The following SGCD variants were observed in gnomAD, a reference collection of about 807,000 sequenced individuals.
The protein encoded by SGCD is delta-sarcoglycan.
SGCD carries 18 observed loss-of-function variants against 36.6 expected under a neutral mutation model. The observed-to-expected ratio is 0.49, with a 90% CI of 0.34 to 0.73. The LOEUF (loss-of-function observed/expected upper bound fraction) is 0.73, where lower values mean the gene tolerates loss of function less well. SGCD is among the 30% of genes least tolerant of loss of function. The probability of loss-of-function intolerance (pLI) is 0.01; values close to 1 mark genes in which losing one functional copy is unlikely to be tolerated. For missense variants in SGCD, 387 were observed against 346.7 expected (o/e 1.12, Z -0.92); for synonymous variants, 133 against 130.6 (o/e 1.02, Z -0.12).
chr5:155,959,092 A>G lies in SGCD; in HGVS notation c.-282+88668A>G, dbSNP rs529486146. Reference sequence around the variant, plus strand: ...CAAATGTAATTCAAGGTCATGCAAAACACAAGTTTATTACAAACTAGAATC... The same window carrying G: ...CAAATGTAATTCAAGGTCATGCAAAGCACAAGTTTATTACAAACTAGAATC... On this transcript the variant is annotated intron_variant, in intron 1 of 9. Coordinates refer to the SGCD transcript ENST00000517913. Among the ~76,000 whole-genome samples, 11 of 152,250 alleles carry G rather than the reference A, an allele frequency of 7.2e-5. No homozygotes were observed. In the South Asian group the frequency reaches 2.3e-3, roughly 32 times the overall value.
At chr5:155,967,508 A>C (rs1757924816) in intron 1 of SGCD, among the ~76,000 whole-genome samples, 2 of 151,990 alleles carry the variant, frequency 1.3e-5, no homozygotes, top group Admixed American at 1.3e-4. Flanking sequence ...GAGGTTGTTT[A>C]AGGTTTCCAT....
At chr5:155,854,943 G>A in the SGCD span, among the ~76,000 whole-genome samples, 3 of 152,036 alleles carry the variant, frequency 2.0e-5, no homozygotes, top group Admixed American at 6.6e-5. Context: ...AAAGTCCAAC[G>A]GCCTACCCAA....
intron 3 of SGCD, among the ~76,000 whole-genome samples, chr5:156,148,043 C>T (rs182263041): frequency 6.6e-6 from 1 of 152,096 alleles, no homozygotes; most frequent in Admixed American, 6.5e-5. Flanking sequence ...AATCATAAAC[C>T]TTTGTTTTTC....
At chr5:156,325,075 T>C (rs1211894860), upstream of SGCD, among the ~76,000 whole-genome samples, 2 of 152,220 alleles carry the variant, frequency 1.3e-5, no homozygotes, top group Non-Finnish European at 2.9e-5. Context: ...TTCAGCCTCA[T>C]GTAACTGACT....
intron 3 of SGCD, among the ~76,000 whole-genome samples, chr5:156,149,191 A>G (rs1367689387): frequency 2.6e-5 from 4 of 152,204 alleles, no homozygotes; most frequent in Non-Finnish European, 5.9e-5. Context: ...CAAGCATGCA[A>G]TGTGTAAAAT....
intron 3 of SGCD, among the ~76,000 whole-genome samples, chr5:156,249,617 G>A (rs931030233): frequency 3.3e-5 from 5 of 151,992 alleles, no homozygotes; most frequent in South Asian, 2.1e-4. Flanking sequence ...TCTGCCTACC[G>A]TCACATGACC....
At chr5:156,622,301 T>C (rs937660661) in intron 6 of SGCD, among the ~76,000 whole-genome samples, 4 of 151,712 alleles carry the variant, frequency 2.6e-5, no homozygotes, top group African/African-American at 9.7e-5. Context: ...GGCATGGTGG[T>C]GGGCGCCTGT....
intron 1 of SGCD, among the ~76,000 whole-genome samples, chr5:156,104,027 T>C (rs1471940423): frequency 6.6e-6 from 1 of 152,130 alleles, no homozygotes; most frequent in East Asian, 1.9e-4. Context: ...TTAATGAATA[T>C]AATGACCCAA....
At chr5:156,751,237 C>T (rs1757139753) in intron 7 of SGCD, among the ~76,000 whole-genome samples, 2 of 152,160 alleles carry the variant, frequency 1.3e-5, no homozygotes, top group South Asian at 4.1e-4. Context: ...TATGATGGAC[C>T]TAAATATTGG....
intron 6 of SGCD, among the ~76,000 whole-genome samples, chr5:156,625,861 C>T (rs1762420570): frequency 6.6e-6 from 1 of 152,136 alleles, no homozygotes; most frequent in South Asian, 2.1e-4. Flanking sequence ...CATGTGGAGC[C>T]TATCATTAAA....
At chr5:156,332,287 T>A (rs1234122511) in intron 2 of SGCD, among the ~76,000 whole-genome samples, 1 of 152,226 alleles carries the variant, frequency 6.6e-6, no homozygotes, top group Non-Finnish European at 1.5e-5. Context: ...TTTGTTTTAA[T>A]TGACTTATGA....
intron 7 of SGCD, among the ~76,000 whole-genome samples, chr5:156,730,901 G>A (rs754916820): frequency 2.6e-5 from 4 of 151,990 alleles, no homozygotes; most frequent in Non-Finnish European, 4.4e-5. Context: ...AACCTCACCA[G>A]TATCTATTAT....
At chr5:156,034,470 T>C (rs1759439700) in intron 1 of SGCD, among the ~76,000 whole-genome samples, 1 of 152,228 alleles carries the variant, frequency 6.6e-6, no homozygotes, top group Non-Finnish European at 1.5e-5. Context: ...AATGTGGCCA[T>C]TTAGCTTTCC....
intron 1 of SGCD, among the ~76,000 whole-genome samples, chr5:156,051,001 A>C (rs1481376147): frequency 6.8e-6 from 1 of 146,440 alleles, no homozygotes; most frequent in African/African-American, 2.5e-5. Flanking sequence ...TGTCCCAGGG[A>C]TTGGCACATG....
At chr5:156,708,236 A>G (rs1754826691) in intron 7 of SGCD, among the ~76,000 whole-genome samples, 1 of 151,762 alleles carries the variant, frequency 6.6e-6, no homozygotes, top group East Asian at 1.9e-4. Context: ...CATGTATGAT[A>G]ATAGAACAAA....
At chr5:155,963,015 A>T (rs930295332) in intron 1 of SGCD, among the ~76,000 whole-genome samples, 3 of 152,100 alleles carry the variant, frequency 2.0e-5, no homozygotes, top group African/African-American at 4.8e-5. Flanking sequence ...TCTCCGTTTG[A>T]TTATCCAGTT....
rs796828564 is a variant in SGCD, at chr5:156,050,209, T to C, written c.-281-67669T>C. On this transcript the variant is annotated intron_variant, in intron 1 of 9. Coordinates refer to the SGCD transcript ENST00000517913. ...GAACCAACTGATGCTACAGAATTCA[T>C]TGTCATCTTATTTTAAGAAATCGCC... Among the ~76,000 whole-genome samples the C allele has an allele frequency of 2.0e-4, 29 of 146,456 alleles. 1 individual carries two copies. The highest frequency in any genetic ancestry group is 6.9e-4 in the African/African-American group (28 of 40,754).
chr5:156,007,038 T>TA (rs1758771873), intron 1 of SGCD, among the ~76,000 whole-genome samples: 1 of 152,218 alleles, frequency 6.6e-6, no homozygotes, highest in Non-Finnish European at 1.5e-5. Flanking sequence ...TTGAAATCGT[T>TA]TCATAGTGTT....
intron 6 of SGCD, among the ~76,000 whole-genome samples, chr5:156,606,359 T>C (rs902598025): frequency 3.3e-5 from 5 of 152,212 alleles, no homozygotes; most frequent in African/African-American, 1.2e-4. Flanking sequence ...TAGTTGTAGA[T>C]ATGTGGCATT....
Sources: gnomAD v4.1 joint callset for allele counts (sites outside exome capture counted in the v4.1 genomes callset) on GRCh38, gnomAD v4.1.1 for gene constraint, MANE v1.5 for transcripts, NCBI Gene and HGNC (gene_info 2026-07-23, HGNC 2026-07-21) for gene names.